Variants in SLC44A3 observed in about 807,000 individuals in gnomAD.
SLC44A3 encodes solute carrier family 44 member 3, also known as choline transporter-like protein 3.
SLC44A3 carries 74 observed loss-of-function variants against 75.4 expected under a neutral mutation model. That is an observed-to-expected ratio of 0.98 (90% CI 0.81 to 1.19). The LOEUF (loss-of-function observed/expected upper bound fraction) is 1.19, where lower values mean the gene tolerates loss of function less well. SLC44A3 is among the 50% of genes most tolerant of loss of function. The pLI, the probability that SLC44A3 is intolerant of heterozygous loss-of-function variation, is 0.00. For synonymous variants in SLC44A3, 310 were observed against 296.9 expected (o/e 1.04, Z -0.45); for missense variants, 700 against 778.6 (o/e 0.90, Z 1.20).
intron 1 of SLC44A3, 104 bp downstream of exon 1, chr1:94,820,582 C>G (rs912189103): frequency 7.0e-7 from 1 of 1,428,920 alleles, no homozygotes; most frequent in Admixed American, 2.5e-5. Context: ...CTTTCCCGCG[C>G]CTCGGGGATC....
intron 3 of SLC44A3, among the ~76,000 whole-genome samples, chr1:94,826,694 T>C (rs1365235371): frequency 6.6e-6 from 1 of 151,954 alleles, no homozygotes; most frequent in Non-Finnish European, 1.5e-5. Context: ...TTTAACACAA[T>C]TTTTAAACTT....
chr1:94,883,698 A>G (rs969939189), intron 12 of SLC44A3, among the ~76,000 whole-genome samples: 1 of 152,230 alleles, frequency 6.6e-6, no homozygotes, highest in African/African-American at 2.4e-5. Flanking sequence ...AAAAACAATA[A>G]GTACTCTAAC....
At position 94,825,289 on chromosome 1, in the gene SLC44A3, G is replaced by C. The variant is rs533443331; in HGVS notation, c.278+654G>C. ...CCTTGTAAGAATTTTTAAGATTTTAGCTCTTGCTTCACATGACAGAACAAA... is the reference window on the plus strand; with the variant it reads ...CCTTGTAAGAATTTTTAAGATTTTACCTCTTGCTTCACATGACAGAACAAA... On this transcript the variant is annotated intron_variant, in intron 3 of 14. Coordinates refer to ENST00000271227, the MANE Select transcript of SLC44A3 (RefSeq NM_001114106.3). Among the ~76,000 whole-genome samples, 16 of 152,272 alleles carry C rather than the reference G, an allele frequency of 1.1e-4. 1 individual carries two copies. The South Asian group carries it at 2.9e-3, about 28-fold the overall frequency.
chr1:94,842,896 T>C lies in SLC44A3; in HGVS notation c.885+772T>C, dbSNP rs144988359. ...CTCATAGGAAATCCTTCTATTCTCA[T>C]ATTTGGTAGTTTTCACATTTTCTCC... is the stretch of plus-strand genomic sequence containing the variant. On this transcript the variant is annotated intron_variant, in intron 8 of 14. Transcript: ENST00000271227. Among the ~76,000 whole-genome samples the C allele has an allele frequency of 4.0e-4, 61 of 152,358 alleles. 1 individual carries two copies. In the East Asian group the frequency reaches 8.5e-3, roughly 21 times the overall value.
At chr1:94,857,279 A>G (rs1665990962) in intron 9 of SLC44A3, 56 bp from the exon 10 acceptor site, 2 of 1,472,438 alleles carry the variant, frequency 1.4e-6, no homozygotes, top group South Asian at 1.5e-5. Context: ...TTGTTGAACC[A>G]TGGTTCATGC....
At chr1:94,889,180 C>A (rs1478182953) in intron 12 of SLC44A3, 2 of 152,158 alleles carry the variant, frequency 1.3e-5, no homozygotes, top group Non-Finnish European at 2.9e-5. Flanking sequence ...GTCTTCATCT[C>A]TTCTACTTAC....
intron 6 of SLC44A3, among the ~76,000 whole-genome samples, chr1:94,839,406 G>A (rs369132113): frequency 6.6e-6 from 1 of 150,776 alleles, no homozygotes; most frequent in Admixed American, 6.6e-5. Flanking sequence ...TTTTTTTATT[G>A]AGACAGAGTC....
chr1:94,827,531 C>T lies in SLC44A3; in HGVS notation c.303C>T (p.Cys101=). The change falls in exon 4 of 15, where the codon TGC becomes TGT. Residue 101 remains cysteine, a synonymous_variant. Transcript: ENST00000271227. ...GACACGTGTTCTTTATGAATTCCTG[C>T]AACCTGGAAGTCAAAGGTACGCAGC... The part of the protein sequence containing the change: ...LKKHVFFMNS[C]NLEVKGTQLN... The T allele has an allele frequency of 1.2e-6, 2 of 1,614,208 alleles. No individual in the cohort carries two copies. The highest frequency in any genetic ancestry group is 1.7e-6 in the Non-Finnish European group (2 of 1,180,022).
At chr1:94,873,555 A>C (rs1386612416) in intron 12 of SLC44A3, among the ~76,000 whole-genome samples, 1 of 152,130 alleles carries the variant, frequency 6.6e-6, no homozygotes, top group Non-Finnish European at 1.5e-5. Context: ...TTTTTAGTGA[A>C]CATAATGTTG....
At chr1:94,872,703 T>G (rs1334582196) in intron 12 of SLC44A3, among the ~76,000 whole-genome samples, 1 of 152,242 alleles carries the variant, frequency 6.6e-6, no homozygotes, top group East Asian at 1.9e-4. Context: ...CCCAAGGTTC[T>G]TATGTGGCTT....
chr1:94,842,229 T>C, intron 8 of SLC44A3, 105 bp downstream of exon 8: 2 of 1,444,704 alleles, frequency 1.4e-6, no homozygotes, highest in Non-Finnish European at 1.8e-6. Context: ...TTTCTTTTGA[T>C]TTAGAATGTG....
intron 5 of SLC44A3, among the ~76,000 whole-genome samples, chr1:94,834,441 GAATA>G (rs1354731968): frequency 6.6e-6 from 1 of 151,874 alleles, no homozygotes; most frequent in African/African-American, 2.4e-5. Flanking sequence ...ATACTGATAT[GAATA>G]AATAATTGAA....
intron 9 of SLC44A3, among the ~76,000 whole-genome samples, chr1:94,850,313 A>G (rs1013861868): frequency 2.7e-4 from 41 of 152,192 alleles, no homozygotes; most frequent in African/African-American, 9.4e-4. Context: ...AAAATCCAAT[A>G]GGAAAAAGTG....
At chr1:94,822,122 G>A (rs1557791832) in intron 2 of SLC44A3, among the ~76,000 whole-genome samples, 1 of 152,134 alleles carries the variant, frequency 6.6e-6, no homozygotes, top group Non-Finnish European at 1.5e-5. Flanking sequence ...CCTGCCTTGT[G>A]CCTGGCAGCT....
intron 3 of SLC44A3, among the ~76,000 whole-genome samples, chr1:94,825,216 C>T (rs773645372): frequency 6.6e-5 from 10 of 152,204 alleles, no homozygotes; most frequent in Admixed American, 2.0e-4. Flanking sequence ...TGGGAATTCC[C>T]TAGAGGGGAG....
At chr1:94,837,336 A>G (rs886116745) in intron 5 of SLC44A3, among the ~76,000 whole-genome samples, 3 of 152,230 alleles carry the variant, frequency 2.0e-5, no homozygotes, top group Non-Finnish European at 4.4e-5. Context: ...TCAAAATATG[A>G]TAACTATGGG....
intron 12 of SLC44A3, among the ~76,000 whole-genome samples, chr1:94,881,022 C>T (rs749137133): frequency 3.9e-5 from 6 of 151,936 alleles, no homozygotes; most frequent in Admixed American, 6.6e-5. Flanking sequence ...TGGGCAATGT[C>T]GTAAGACCCC....
intron 9 of SLC44A3, among the ~76,000 whole-genome samples, chr1:94,846,389 T>C (rs1474063016): frequency 6.6e-6 from 1 of 152,204 alleles, no homozygotes; most frequent in Non-Finnish European, 1.5e-5. Context: ...ACCTAGTATA[T>C]GTTCTTGTAA....
chr1:94,845,635 T>C (rs1664309802), intron 9 of SLC44A3, among the ~76,000 whole-genome samples, 171 bp downstream of exon 9: 1 of 152,222 alleles, frequency 6.6e-6, no homozygotes, highest in African/African-American at 2.4e-5. Context: ...GGAAGTTCTT[T>C]TACCTCTTCT....
Sources: gnomAD v4.1 joint callset for allele counts (sites outside exome capture counted in the v4.1 genomes callset) on GRCh38, gnomAD v4.1.1 for gene constraint, MANE v1.5 for transcripts, NCBI Gene and HGNC (gene_info 2026-07-23, HGNC 2026-07-21) for gene names.